Variants in PDZD2 observed in about 807,000 individuals in gnomAD.
PDZD2 encodes PDZ domain containing 2, also known as PDZ domain-containing protein 2.
In PDZD2, 90 loss-of-function variants were observed where a neutral mutation model predicts 220.7. The observed-to-expected ratio is 0.41, with a 90% CI of 0.34 to 0.49. The LOEUF is 0.49. PDZD2 is among the 20% of genes least tolerant of loss of function. The pLI, the probability that PDZD2 is intolerant of heterozygous loss-of-function variation, is 0.28. For synonymous variants in PDZD2, 1,375 were observed against 1,450.5 expected, an observed-to-expected ratio of 0.95 and a Z score of 1.18; for missense variants, 3,174 against 3,608.5, an observed-to-expected ratio of 0.88 and a Z score of 3.08.
intron 2 of PDZD2, among the ~76,000 whole-genome samples, chr5:31,974,706 G>C (rs1488839943): frequency 6.6e-6 from 1 of 152,216 alleles, no homozygotes. Context: ...CTTCAGGGCA[G>C]TATGGACCTC....
chr5:31,725,671 T>G, intron 1 of PDZD2: 1 of 1,015,992 alleles, frequency 9.8e-7, no homozygotes, highest in Non-Finnish European at 1.6e-6. Flanking sequence ...AGACTTGTAA[T>G]GTGCTTTGGA....
At chr5:31,900,577 G>A (rs914115627) in intron 2 of PDZD2, among the ~76,000 whole-genome samples, 6 of 152,168 alleles carry the variant, frequency 3.9e-5, no homozygotes, top group African/African-American at 1.2e-4. Context: ...CTTGGGTCCT[G>A]TTGTTGAGCA....
At chr5:31,814,613 A>T (rs192355205) in intron 2 of PDZD2, among the ~76,000 whole-genome samples, 147 of 152,282 alleles carry the variant, frequency 9.7e-4, no homozygotes, top group Non-Finnish European at 1.5e-3. Context: ...ACCTGAGGTC[A>T]GGAGTTCGAG....
At position 32,072,338 on chromosome 5, in the gene PDZD2, G is replaced by A. The variant is rs1279722628; in HGVS notation, c.2725+21G>A. 6.3e-6 allele frequency: 10 copies of A among 1,591,758 alleles called. No homozygotes were observed. The African/African-American group carries it at 6.7e-5, about 11-fold the overall frequency. Reference sequence around the variant, plus strand: ...CTCCAGTAAGCAGGGGTGCCCCAGAGGGCCTGGGCTCTGCATTCCAGTCAG... The same window carrying A: ...CTCCAGTAAGCAGGGGTGCCCCAGAAGGCCTGGGCTCTGCATTCCAGTCAG... On this transcript the variant is annotated intron_variant, in intron 17 of 24. Coordinates refer to ENST00000438447, the MANE Select transcript of PDZD2 (RefSeq NM_178140.4).
Position 32,077,559 on chromosome 5 carries a change from A to G in PDZD2, c.3635A>G (p.Glu1212Gly). ...LSHLDASHLT[E>G]NLPKAASELG... ...CATCTGGATGCCAGCCACCTCACAGAGAACCTGCCCAAAGCTGCATCAGAG... is the reference window on the plus strand; with the variant it reads ...CATCTGGATGCCAGCCACCTCACAGGGAACCTGCCCAAAGCTGCATCAGAG... The change falls in exon 19 of 25, where the codon GAG becomes GGG. Residue 1212 changes from glutamate to glycine, a missense_variant. Glu to Gly is a moderately conservative substitution (Grantham distance 98). Coordinates refer to ENST00000438447, the MANE Select transcript of PDZD2 (RefSeq NM_178140.4). 6.2e-7 allele frequency: 1 copy of G among 1,614,196 alleles called. No homozygotes were observed. The highest frequency in any genetic ancestry group is 2.2e-5 in the East Asian group (1 of 44,890).
chr5:32,003,385 C>CA (rs1341264519), intron 5 of PDZD2, among the ~76,000 whole-genome samples: 24 of 31,526 alleles, frequency 7.6e-4, no homozygotes, highest in Non-Finnish European at 2.9e-3. Context: ...ACACACACAC[C>CA]CACACACACC....
intron 2 of PDZD2, among the ~76,000 whole-genome samples, chr5:31,826,439 G>C (rs1393109800): frequency 2.6e-5 from 4 of 152,008 alleles, no homozygotes; most frequent in Admixed American, 2.6e-4. Flanking sequence ...TTGGGAAGCC[G>C]AGGCGGGTGG....
intron 15 of PDZD2, 73 bp downstream of exon 15, chr5:32,069,723 G>A: frequency 1.3e-6 from 1 of 779,336 alleles, no homozygotes; most frequent in South Asian, 1.5e-5. Context: ...GCACTCCCCA[G>A]TGCAGTATTA....
chr5:31,927,255 A>G (rs1029551366), intron 2 of PDZD2, among the ~76,000 whole-genome samples: 2 of 152,180 alleles, frequency 1.3e-5, no homozygotes, highest in Admixed American at 6.5e-5. Context: ...ATAATAAAAC[A>G]TAGTACCATG....
intron 2 of PDZD2, among the ~76,000 whole-genome samples, chr5:31,827,358 G>T (rs191547227): frequency 6.6e-6 from 1 of 152,106 alleles, no homozygotes; most frequent in Non-Finnish European, 1.5e-5. Context: ...GATTAATAAC[G>T]ATATGAAGGA....
intron 2 of PDZD2, among the ~76,000 whole-genome samples, chr5:31,934,852 C>T (rs370623816): frequency 3.3e-5 from 5 of 152,040 alleles, no homozygotes; most frequent in East Asian, 1.9e-4. Flanking sequence ...TTTGGGAGGC[C>T]GAGATGGGCA....
rs1214879222 is a variant in PDZD2 at position 31,983,544 on chromosome 5, G to A, written c.866G>A (p.Gly289Glu). Residue 289 changes from glycine to glutamate, a missense_variant, in exon 3 of 25, where the codon GGG becomes GAG. Gly to Glu is a moderately conservative substitution (Grantham distance 98). This residue lies in a region of PDZD2 where 632 missense variants were observed against 708.1 expected (regional missense o/e 0.89). Coordinates refer to ENST00000438447, the MANE Select transcript of PDZD2 (RefSeq NM_178140.4). ...PHLERSEVDR[G>E]TEHRIPKTDA... is the part of the protein sequence containing the mutation. Reference sequence around the variant, plus strand: ...CTAGAGAGGTCAGAAGTGGACAGAGGGACAGAGCATAGAATTCCAAAGACA... The same window carrying A: ...CTAGAGAGGTCAGAAGTGGACAGAGAGACAGAGCATAGAATTCCAAAGACA... 3 of 1,614,020 alleles carry A rather than the reference G, an allele frequency of 1.9e-6. No homozygotes were observed. Among genetic ancestry groups the A allele is most frequent in the Non-Finnish European group, 2.5e-6 (3 of 1,180,036 alleles).
At chr5:32,054,054 T>G (rs936422907) in intron 10 of PDZD2, among the ~76,000 whole-genome samples, 171 bp downstream of exon 10, 3 of 152,212 alleles carry the variant, frequency 2.0e-5, no homozygotes, top group Non-Finnish European at 4.4e-5. Context: ...ACTTGGAATA[T>G]TAACACCTGC....
Position 32,000,053 on chromosome 5 carries a change from A to G in PDZD2, c.1122-86A>G. 2 of 1,254,268 alleles carry G rather than the reference A, an allele frequency of 1.6e-6. No individual in the cohort carries two copies. The highest frequency in any genetic ancestry group is 2.7e-5 in the South Asian group (2 of 75,400). 77.7% of individuals were successfully genotyped at this position (1,254,268 alleles called of 1,614,324 possible). A position where few individuals can be genotyped will look rare whatever the true frequency, so the allele number is the denominator to read the frequency against. On this transcript the variant is annotated intron_variant, in intron 4 of 24. Coordinates refer to ENST00000438447, the MANE Select transcript of PDZD2 (RefSeq NM_178140.4). This position sits in a 1 kb window ranked among gnomAD's most constrained non-coding sequence, Gnocchi z 4.5. ...AGCCCAATCTTAACCGTCCCTCCTC[A>G]CAACCCTCCCTAGCTCCAGAAAATG...
In PDZD2 at chr5:32,088,080, G is replaced by A. The variant is rs760830407; in HGVS notation, c.4632G>A (p.Thr1544=). 73 of 1,613,782 alleles carry A rather than the reference G, an allele frequency of 4.5e-5. No individual in the cohort carries two copies. Among genetic ancestry groups the A allele is most frequent in the African/African-American group, 1.2e-4 (9 of 74,912 alleles). ...STSLSGLGDS[T]EPSLSSMYGD... ...CCCTATCAGGCCTGGGTGACAGCACGGAGCCGTCTCTGTCATCCATGTATG... is the reference window on the plus strand; with the variant it reads ...CCCTATCAGGCCTGGGTGACAGCACAGAGCCGTCTCTGTCATCCATGTATG... The change falls in exon 20 of 25, where the codon ACG becomes ACA. Residue 1544 remains threonine, a synonymous_variant. Transcript: ENST00000438447. The surrounding 1 kb of genome is among the most constrained non-coding windows in gnomAD (Gnocchi z 4.6).
At chr5:31,751,357 G>A (rs1157061852) in intron 1 of PDZD2, among the ~76,000 whole-genome samples, 1 of 152,098 alleles carries the variant, frequency 6.6e-6, no homozygotes, top group African/African-American at 2.4e-5. Context: ...CCTTGCAGGG[G>A]ACCTTGCAAT....
Position 31,798,960 on chromosome 5 carries a change from G to T in PDZD2, c.-289G>T. 1 of 437,174 alleles carries T rather than the reference G, an allele frequency of 2.3e-6. No homozygotes were observed. The highest frequency in any genetic ancestry group is 3.5e-5 in the East Asian group (1 of 28,958). 27.1% of individuals were successfully genotyped at this position (437,174 alleles called of 1,614,324 possible). ...CCTCCATTCCTGTGTCATTTGCATGGGTCCTGCTGTGAAATGAACCTGGCA... is the reference window on the plus strand; with the variant it reads ...CCTCCATTCCTGTGTCATTTGCATGTGTCCTGCTGTGAAATGAACCTGGCA... On this transcript the variant is annotated 5_prime_UTR_variant, in exon 2 of 25. Transcript: ENST00000438447.
chr5:31,688,936 GC>G lies in PDZD2; in HGVS notation c.-361+49502del, dbSNP rs146157693. On this transcript the variant is annotated intron_variant, in intron 1 of 24. Transcript: ENST00000438447. ...CCCAAGCAGCAGCATCAAGGATGTT[GC>G]CCTGTATATGGAGGCTGGCCAAGAG... is the stretch of plus-strand genomic sequence containing the variant. Among the ~76,000 whole-genome samples, 702 of 152,266 alleles carry G rather than the reference GC, an allele frequency of 4.6e-3. 4 individuals are homozygous for G. Among genetic ancestry groups the G allele is most frequent in the African/African-American group, 0.016 (645 of 41,550 alleles).
chr5:31,803,942 G>A (rs1022782651), intron 2 of PDZD2, among the ~76,000 whole-genome samples: 3 of 151,888 alleles, frequency 2.0e-5, no homozygotes, highest in Admixed American at 6.6e-5. Flanking sequence ...GAGAGGCTGA[G>A]GTGGGAGGAT....
Sources: allele counts gnomAD v4.1 joint callset (sites outside exome capture counted in the v4.1 genomes callset), GRCh38; gene constraint gnomAD v4.1.1; regional missense constraint gnomAD v4.1.1; non-coding constraint Gnocchi (gnomAD v3.1); transcripts MANE v1.5; gene names NCBI Gene and HGNC (gene_info 2026-07-23, HGNC 2026-07-21).